The following ALDH6A1 variants were observed in gnomAD, a reference collection of about 807,000 sequenced individuals.
ALDH6A1 encodes methylmalonate-semialdehyde/malonate-semialdehyde dehydrogenase [acylating], mitochondrial.
ALDH6A1 carries 43 observed loss-of-function variants against 62.6 expected under a neutral mutation model. The ratio of observed to expected loss-of-function variants is 0.69; its 90% CI spans 0.54 to 0.89. The LOEUF (loss-of-function observed/expected upper bound fraction) is 0.89, where lower values mean the gene tolerates loss of function less well. Ranked by LOEUF, ALDH6A1 falls within the 40% of genes least tolerant of loss-of-function variation. The pLI is 0.00. For synonymous variants in ALDH6A1, 194 were observed against 234.2 expected (o/e 0.83, Z 1.57); for missense variants, 551 against 661.3 (o/e 0.83, Z 1.83).
At chr14:74,071,691 T>C (rs904969614) in intron 5 of ALDH6A1, 194 bp from the exon 6 acceptor site, 8 of 1,495,226 alleles carry the variant, frequency 5.4e-6, no homozygotes, top group Middle Eastern at 2.4e-4. Context: ...GATATGTATA[T>C]ACCCACTGGA....
chr14:74,064,107 G>A (rs2060411573), intron 11 of ALDH6A1, among the ~76,000 whole-genome samples: 1 of 151,718 alleles, frequency 6.6e-6, no homozygotes, highest in Non-Finnish European at 1.5e-5. Context: ...AGACCAGCCT[G>A]GCCAACATGG....
intron 8 of ALDH6A1, 29 bp from the exon 9 acceptor site, chr14:74,066,915 T>A: frequency 6.2e-7 from 1 of 1,602,048 alleles, no homozygotes; most frequent in South Asian, 1.1e-5. Context: ...GAATTTAAGG[T>A]CCTCATTAAC....
At chr14:74,078,618 C>T (rs1595133815) in intron 1 of ALDH6A1, among the ~76,000 whole-genome samples, 1 of 152,206 alleles carries the variant, frequency 6.6e-6, no homozygotes, top group Non-Finnish European at 1.5e-5. Flanking sequence ...ACCTCCACCT[C>T]CCGGGTTCAA....
At chr14:74,081,768 C>T (rs574153911) in intron 1 of ALDH6A1, among the ~76,000 whole-genome samples, 12 of 152,286 alleles carry the variant, frequency 7.9e-5, no homozygotes, top group African/African-American at 2.9e-4. Context: ...AATAAAGGAG[C>T]TTTCAGTGAG....
In ALDH6A1 at chr14:74,084,212, C is replaced by A. The variant is rs549124115; in HGVS notation, c.48+135G>T. On this transcript the variant is annotated intron_variant, in intron 1 of 11. Coordinates refer to ENST00000553458, the MANE Select transcript of ALDH6A1 (RefSeq NM_005589.4). ...GTGAGGGCTGGGCATGGGACAGGGC[C>A]GCACAGGTCGGGTAGGAGGTCTGGC... The A allele has an allele frequency of 3.8e-5, 50 of 1,328,150 alleles. No individual in the cohort carries two copies. In the East Asian group the frequency reaches 7.4e-4, roughly 20 times the overall value. The allele number at this position is 1,328,150 out of a possible 1,614,324, so 82.3% of individuals were successfully genotyped here. A position where few individuals can be genotyped will look rare whatever the true frequency, so the allele number is the denominator to read the frequency against.
At chr14:74,068,626 C>G (rs1466893045) in intron 7 of ALDH6A1, among the ~76,000 whole-genome samples, 1 of 151,914 alleles carries the variant, frequency 6.6e-6, no homozygotes, top group Non-Finnish European at 1.5e-5. Flanking sequence ...GCTTGTATTC[C>G]CAGCTACTCG....
rs967940921 is a variant in ALDH6A1, at chr14:74,084,218, G to T, written c.48+129C>A. On this transcript the variant is annotated intron_variant, in intron 1 of 11. Transcript: ENST00000553458. ...GCTGGGCATGGGACAGGGCCGCACA[G>T]GTCGGGTAGGAGGTCTGGCCAAAAA... is the stretch of plus-strand genomic sequence containing the variant. 7 of 1,382,578 alleles carry T rather than the reference G, an allele frequency of 5.1e-6. 1 individual carries two copies. In the African/African-American group the frequency reaches 8.5e-5, roughly 17 times the overall value. 85.6% of individuals were successfully genotyped at this position (1,382,578 alleles called of 1,614,324 possible). A position where few individuals can be genotyped will look rare whatever the true frequency, so the allele number is the denominator to read the frequency against.
Position 74,057,401 on chromosome 14 carries a change from T to G in ALDH6A1, c.*3241A>C, listed in dbSNP as rs1486472649. 1.3e-6 allele frequency: 2 copies of G among 1,531,554 alleles called. No homozygotes were observed. Among genetic ancestry groups the G allele is most frequent in the Non-Finnish European group, 8.8e-7 (1 of 1,141,686 alleles). 94.9% of individuals were successfully genotyped at this position (1,531,554 alleles called of 1,614,324 possible). On this transcript the variant is annotated 3_prime_UTR_variant, in exon 12 of 12. Transcript: ENST00000553458. ...TGAGTAATAAATAGCATTAGTAGAT[T>G]ACATAAATTTTTAAAGCAATATCCG...
At chr14:74,061,045 T>A (rs1352930222) in intron 11 of ALDH6A1, among the ~76,000 whole-genome samples, 1 of 152,118 alleles carries the variant, frequency 6.6e-6, no homozygotes, top group Non-Finnish European at 1.5e-5. Context: ...TGGCATGATC[T>A]CAGCTCACTG....
In ALDH6A1 at chr14:74,061,984, CG is replaced by C. The variant is rs369666113; in HGVS notation, c.1504-1239del. On this transcript the variant is annotated intron_variant, in intron 11 of 11. Coordinates refer to ENST00000553458, the MANE Select transcript of ALDH6A1 (RefSeq NM_005589.4). ...CAGCACTTTGGGAGGCTGAGGTAGG[CG>C]GATCACTTGAGGCCATGAGCTCAAG... 5.8e-3 allele frequency among the ~76,000 whole-genome samples: 792 copies of C among 135,548 alleles called. 8 individuals carry two copies. Among genetic ancestry groups the C allele is most frequent in the African/African-American group, 0.021 (770 of 36,174 alleles). The allele number at this position is 135,548 out of a possible 152,430, so 88.9% of individuals were successfully genotyped here. A position where few individuals can be genotyped will look rare whatever the true frequency, so the allele number is the denominator to read the frequency against.
In ALDH6A1 at chr14:74,059,355, T is replaced by G. The variant is rs1296117512; in HGVS notation, c.*1287A>C. 1 of 456,538 alleles carries G rather than the reference T, an allele frequency of 2.2e-6. No homozygotes were observed. The highest frequency in any genetic ancestry group is 7.0e-5 in the East Asian group (1 of 14,384). The allele number at this position is 456,538 out of a possible 1,614,324, so 28.3% of individuals were successfully genotyped here. A position where few individuals can be genotyped will look rare whatever the true frequency, so the allele number is the denominator to read the frequency against. ...CCCATTTTCATGGTTGGAACAATCC[T>G]TGATTTCTGGGCCTAAAATAACTTT... On this transcript the variant is annotated 3_prime_UTR_variant, in exon 12 of 12. Transcript: ENST00000553458.
At position 74,057,616 on chromosome 14, in the gene ALDH6A1, G is replaced by A; in HGVS notation, c.*3026C>T. 2 of 1,339,446 alleles carry A rather than the reference G, an allele frequency of 1.5e-6. No individual in the cohort carries two copies. Among genetic ancestry groups the A allele is most frequent in the Non-Finnish European group, 1.9e-6 (2 of 1,027,414 alleles). 83.0% of individuals were successfully genotyped at this position (1,339,446 alleles called of 1,614,324 possible). On this transcript the variant is annotated 3_prime_UTR_variant, in exon 12 of 12. Coordinates refer to ENST00000553458, the MANE Select transcript of ALDH6A1 (RefSeq NM_005589.4). The stretch of plus-strand genomic sequence containing the variant: ...GAAGTCAGAGTCATTACAACCTAGA[G>A]GACAAAGGCTTATAAGGAGATATGA...
chr14:74,069,106 T>TC (rs1555377100), intron 6 of ALDH6A1, 125 bp from the exon 7 acceptor site: 252 of 1,015,794 alleles, frequency 2.5e-4, no homozygotes, highest in East Asian at 4.5e-4. Flanking sequence ...TTTTTCTTTT[T>TC]TTTTTTTTTT....
At position 74,064,781 on chromosome 14, in the gene ALDH6A1, T is replaced by A. The variant is rs141160498; in HGVS notation, c.1503+41A>T. 3.1e-6 allele frequency: 5 copies of A among 1,612,392 alleles called. No homozygotes were observed. The East Asian group carries it at 1.1e-4, about 36-fold the overall frequency. ...TTGCTCCTGAATATCTTTAAGAAAA[T>A]TTCTTAAAGGAAAAGACAAAAAATT... On this transcript the variant is annotated intron_variant, in intron 11 of 11. Coordinates refer to ENST00000553458, the MANE Select transcript of ALDH6A1 (RefSeq NM_005589.4).
At chr14:74,070,466 C>T (rs1434139442) in intron 6 of ALDH6A1, among the ~76,000 whole-genome samples, 1 of 152,120 alleles carries the variant, frequency 6.6e-6, no homozygotes, top group African/African-American at 2.4e-5. Context: ...GTAGAGTGAG[C>T]CGAGATCGCA....
At chr14:74,069,156 G>A (rs1298885054) in intron 6 of ALDH6A1, 175 bp from the exon 7 acceptor site, 18 of 611,828 alleles carry the variant, frequency 2.9e-5, no homozygotes, top group South Asian at 1.2e-4. Context: ...CCAGGCTGGA[G>A]TGCAGTGGCA....
chr14:74,067,450 G>T lies in ALDH6A1; in HGVS notation c.972C>A (p.Val324=). The change falls in exon 8 of 12, where the codon GTC becomes GTA. Residue 324 remains valine, a synonymous_variant. Coordinates refer to ENST00000553458, the MANE Select transcript of ALDH6A1 (RefSeq NM_005589.4). ...GCCACTTCTTGGCTTCTCCCACAAG[G>T]ACTGCTGTTGAAAGAGCCATGCAGC... is the stretch of plus-strand genomic sequence containing the variant. ...GQRCMALSTA[V]LVGEAKKWLP... 8 of 1,614,180 alleles carry T rather than the reference G, an allele frequency of 5.0e-6. No individual in the cohort carries two copies. In the South Asian group the frequency reaches 8.8e-5, roughly 18 times the overall value.
intron 8 of ALDH6A1, 99 bp from the exon 9 acceptor site, chr14:74,066,985 G>A: frequency 8.7e-7 from 1 of 1,149,746 alleles, no homozygotes; most frequent in Non-Finnish European, 1.3e-6. Context: ...GGAGGCCAAG[G>A]CAGGAGGACT....
chr14:74,071,185 G>C lies in ALDH6A1; in HGVS notation c.730+10C>G. The C allele has an allele frequency of 6.2e-7, 1 of 1,611,346 alleles. No individual in the cohort carries two copies. The highest frequency in any genetic ancestry group is 8.5e-7 in the Non-Finnish European group (1 of 1,177,552). ...CCAGATTAAGTAGCCATATGCATAA[G>C]GGCAGTTACCTTCATGCTGTCCATG... is the stretch of plus-strand genomic sequence containing the variant. On this transcript the variant is annotated intron_variant, in intron 6 of 11. Transcript: ENST00000553458.
Sources: gnomAD v4.1 joint callset for allele counts (sites outside exome capture counted in the v4.1 genomes callset) on GRCh38, gnomAD v4.1.1 for gene constraint, MANE v1.5 for transcripts, NCBI Gene and HGNC (gene_info 2026-07-23, HGNC 2026-07-21) for gene names.